Variants in SERPINE2 observed in about 807,000 individuals in gnomAD.
SERPINE2 encodes serpin family E member 2.
A neutral mutation model predicts 36.3 loss-of-function variants in SERPINE2; 14 were observed. The observed-to-expected ratio is 0.39, with a 90% CI of 0.25 to 0.60. The LOEUF (loss-of-function observed/expected upper bound fraction) is 0.60, where lower values mean the gene tolerates loss of function less well. Among genes scored for constraint, SERPINE2 ranks in the 20% least tolerant of loss-of-function variants. The pLI is 0.57. For synonymous variants in SERPINE2, 192 were observed against 191.8 expected (o/e 1.00, Z -0.01); for missense variants, 418 against 499.6 (o/e 0.84, Z 1.56).
intron 6 of SERPINE2, chr2:223,981,850 T>C (rs1487694426): frequency 1.3e-5 from 2 of 152,228 alleles, no homozygotes; most frequent in African/African-American, 2.4e-5. Context: ...TATCGTTTCA[T>C]ATTAATGAGC....
intron 3 of SERPINE2, among the ~76,000 whole-genome samples, chr2:223,994,556 G>C (rs956793672): frequency 6.6e-6 from 1 of 152,122 alleles, no homozygotes; most frequent in Non-Finnish European, 1.5e-5. Context: ...AACCAAGAAG[G>C]AAATCTGGTC....
chr2:224,019,536 A>ACCTT (rs1465106775), intron 1 of SERPINE2, among the ~76,000 whole-genome samples: 1 of 151,728 alleles, frequency 6.6e-6, no homozygotes, highest in Admixed American at 6.6e-5. Context: ...CCCACTGGGG[A>ACCTT]CCTTGTTCAT....
At chr2:223,984,426 C>T (rs1690346782) in intron 5 of SERPINE2, among the ~76,000 whole-genome samples, 1 of 152,138 alleles carries the variant, frequency 6.6e-6, no homozygotes, top group Non-Finnish European at 1.5e-5. Context: ...TATGATGACA[C>T]ACGTGTGTTT....
Position 224,039,108 on chromosome 2 carries a change from T to C in SERPINE2, c.-32A>G, listed in dbSNP as rs879284066. On this transcript the variant is annotated 5_prime_UTR_variant, in exon 1 of 9. Transcript: ENST00000409304. This position sits in a 1 kb window ranked among gnomAD's most constrained non-coding sequence, Gnocchi z 5.2. ...CGCAGCCTGTACTCACCGCGCTCGC[T>C]GGATCCCCAGGGGGCGGCCGCGGAG... 1.3e-5 allele frequency: 2 copies of C among 150,644 alleles called. No individual in the cohort carries two copies. The highest frequency in any genetic ancestry group is 2.1e-4 in the South Asian group (1 of 4,818). The allele number at this position is 150,644 out of a possible 1,614,324, so 9.3% of individuals were successfully genotyped here.
At chr2:224,035,589 G>C (rs532628493) in intron 1 of SERPINE2, among the ~76,000 whole-genome samples, 3 of 152,168 alleles carry the variant, frequency 2.0e-5, no homozygotes, top group Non-Finnish European at 1.5e-5. Flanking sequence ...GGCTGGTCTT[G>C]AACTCCTGAC....
In SERPINE2 at chr2:223,982,838, T is replaced by C. The variant is rs145656676; in HGVS notation, c.885-57A>G. ...TCACGAGGCTATAAATGCTACATGA[T>C]AGAGTCGGTGCATGTTTACAAACTG... On this transcript the variant is annotated intron_variant, in intron 5 of 8. Coordinates refer to ENST00000409304, the MANE Select transcript of SERPINE2 (RefSeq NM_001136528.2). The C allele has an allele frequency of 6.0e-4, 726 of 1,219,328 alleles. 5 individuals are homozygous for C. In the East Asian group the frequency reaches 0.011, roughly 19 times the overall value. 75.5% of individuals were successfully genotyped at this position (1,219,328 alleles called of 1,614,324 possible).
Position 224,003,125 on chromosome 2 carries a change from G to A in SERPINE2, c.-22-1203C>T, listed in dbSNP as rs186344213. Among the ~76,000 whole-genome samples, 535 of 152,254 alleles carry A rather than the reference G, an allele frequency of 3.5e-3. 3 individuals carry two copies. The highest frequency in any genetic ancestry group is 4.4e-3 in the Non-Finnish European group (298 of 68,026). On this transcript the variant is annotated intron_variant, in intron 1 of 8. Transcript: ENST00000409304. ...ACATCGTGATGAGACCTGAATGGGGGAAGGAGCCAGCCACACTCTGATGGG... is the reference window on the plus strand; with the variant it reads ...ACATCGTGATGAGACCTGAATGGGGAAAGGAGCCAGCCACACTCTGATGGG...
chr2:223,989,735 T>C (rs1463208190), intron 4 of SERPINE2, among the ~76,000 whole-genome samples: 1 of 152,196 alleles, frequency 6.6e-6, no homozygotes, highest in Non-Finnish European at 1.5e-5. Flanking sequence ...AAGGGTGAGC[T>C]AAGCTGTTCG....
At chr2:223,991,770 T>A (rs140076355) in intron 4 of SERPINE2, 33 bp downstream of exon 4, 6 of 1,609,138 alleles carry the variant, frequency 3.7e-6, no homozygotes, top group Non-Finnish European at 5.1e-6. Context: ...CGCCAGCACA[T>A]CCTAGAACAG....
chr2:223,982,218 A>G (rs1408575202), intron 6 of SERPINE2: 1 of 152,642 alleles, frequency 6.6e-6, no homozygotes, highest in Non-Finnish European at 1.5e-5. Context: ...GTAACTCAAG[A>G]ATGGAAAACC....
At chr2:223,995,103 G>C (rs1690827899) in intron 3 of SERPINE2, among the ~76,000 whole-genome samples, 1 of 152,186 alleles carries the variant, frequency 6.6e-6, no homozygotes, top group Non-Finnish European at 1.5e-5. Flanking sequence ...GAGACAGGAT[G>C]GTGGGTAAGG....
rs370121117 is a variant in SERPINE2 at position 224,034,757 on chromosome 2, G to A, written c.-23+4342C>T. Among the ~76,000 whole-genome samples the A allele has an allele frequency of 2.8e-4, 43 of 152,284 alleles. 1 individual carries two copies. In the East Asian group the frequency reaches 5.6e-3, roughly 20 times the overall value. The stretch of plus-strand genomic sequence containing the variant: ...ATTTACAGACTCCCCACTGCTGTTT[G>A]GGATATAGAATCGACCCTGCCCTAT... On this transcript the variant is annotated intron_variant, in intron 1 of 8. Coordinates refer to ENST00000409304, the MANE Select transcript of SERPINE2 (RefSeq NM_001136528.2).
At chr2:224,012,771 C>A (rs1337700028) in intron 1 of SERPINE2, among the ~76,000 whole-genome samples, 1 of 152,134 alleles carries the variant, frequency 6.6e-6, no homozygotes, top group Non-Finnish European at 1.5e-5. Flanking sequence ...TAACAAGCAT[C>A]CCTTTTCCTT....
At chr2:223,998,860 G>C (rs1033348105) in intron 2 of SERPINE2, among the ~76,000 whole-genome samples, 8 of 152,198 alleles carry the variant, frequency 5.3e-5, no homozygotes, top group African/African-American at 1.9e-4. Context: ...AATCAACTGT[G>C]CTTCTGCATC....
At chr2:223,985,350 A>G (rs1574813314) in intron 4 of SERPINE2, among the ~76,000 whole-genome samples, 1 of 151,402 alleles carries the variant, frequency 6.6e-6, no homozygotes, top group African/African-American at 2.4e-5. Context: ...AAGGTACACA[A>G]TATGACGTTA....
intron 3 of SERPINE2, 112 bp from the exon 4 acceptor site, chr2:223,992,112 A>G: frequency 1.1e-6 from 1 of 874,342 alleles, no homozygotes. Flanking sequence ...ATTTTTAAGG[A>G]GTGTTAAAGA....
intron 2 of SERPINE2, among the ~76,000 whole-genome samples, chr2:224,000,733 G>A (rs1691088589): frequency 6.6e-6 from 1 of 151,754 alleles, no homozygotes; most frequent in South Asian, 2.1e-4. Context: ...TCCCCTCCCT[G>A]TGTCCATGTG....
intron 4 of SERPINE2, among the ~76,000 whole-genome samples, chr2:223,985,509 T>C (rs886960508): frequency 2.0e-5 from 3 of 152,146 alleles, no homozygotes; most frequent in Admixed American, 2.0e-4. Context: ...TGCAATTTTA[T>C]TACCTCTAGT....
chr2:224,003,187 G>A (rs1691255933), intron 1 of SERPINE2, among the ~76,000 whole-genome samples: 1 of 152,104 alleles, frequency 6.6e-6, no homozygotes, highest in Non-Finnish European at 1.5e-5. Context: ...GCAGGGCCGA[G>A]GCCCTGACGT....
Sources: allele counts gnomAD v4.1 joint callset (sites outside exome capture counted in the v4.1 genomes callset), GRCh38; gene constraint gnomAD v4.1.1; non-coding constraint Gnocchi (gnomAD v3.1); transcripts MANE v1.5; gene names NCBI Gene and HGNC (gene_info 2026-07-23, HGNC 2026-07-21).